The following CDH18 variants were observed in gnomAD, a reference collection of about 807,000 sequenced individuals.
CDH18 encodes cadherin 18.
In CDH18, 31 loss-of-function variants were observed where a neutral mutation model predicts 67.9. The observed-to-expected ratio is 0.46, with a 90% CI of 0.34 to 0.62. The LOEUF is 0.62. Ranked by LOEUF, CDH18 falls within the 20% of genes least tolerant of loss-of-function variation. The pLI is 0.01. For synonymous variants in CDH18, 362 were observed against 347.2 expected, an observed-to-expected ratio of 1.04 and a Z score of -0.48; for missense variants, 890 against 975.5, an observed-to-expected ratio of 0.91 and a Z score of 1.17.
intron 2 of CDH18, among the ~76,000 whole-genome samples, chr5:20,105,180 T>TTTCA (rs1216418462): frequency 6.6e-6 from 1 of 152,012 alleles, no homozygotes; most frequent in African/African-American, 2.4e-5. Flanking sequence ...AGAGACCGGG[T>TTTCA]TTCACCATGT....
intron 2 of CDH18, among the ~76,000 whole-genome samples, chr5:20,214,817 G>C (rs1363231306): frequency 6.6e-6 from 1 of 152,000 alleles, no homozygotes; most frequent in Non-Finnish European, 1.5e-5. Flanking sequence ...AAATGCAACT[G>C]CAACAAAAGC....
intron 1 of CDH18, among the ~76,000 whole-genome samples, chr5:19,981,917 T>C (rs745827818): frequency 1.7e-4 from 26 of 152,170 alleles, no homozygotes; most frequent in Non-Finnish European, 3.4e-4. Flanking sequence ...CCCTTTTTCA[T>C]TTTTTCTCTT....
At chr5:19,640,372 G>A (rs939324549) in intron 5 of CDH18, among the ~76,000 whole-genome samples, 1 of 152,076 alleles carries the variant, frequency 6.6e-6, no homozygotes, top group Non-Finnish European at 1.5e-5. Context: ...GTATACGATT[G>A]AAATTAAGTT....
intron 2 of CDH18, among the ~76,000 whole-genome samples, chr5:20,219,369 G>A (rs1741035671): frequency 6.6e-6 from 1 of 151,720 alleles, no homozygotes; most frequent in South Asian, 2.1e-4. Flanking sequence ...GGGACACAAT[G>A]TCAACACTGC....
chr5:19,538,584 T>G (rs1561296479), intron 9 of CDH18, among the ~76,000 whole-genome samples: 1 of 152,152 alleles, frequency 6.6e-6, no homozygotes, highest in Non-Finnish European at 1.5e-5. Context: ...AAAATAAACG[T>G]TAGTGAGCTA....
In CDH18 at chr5:19,763,009, A is replaced by G. The variant is rs139891139; in HGVS notation, c.229-15773T>C. ...AAACTATTGCAAGAACAGAAAACCA[A>G]ACACCACATGTTCTCACTCATAGGT... On this transcript the variant is annotated intron_variant, in intron 3 of 12. Coordinates refer to ENST00000382275, the MANE Select transcript of CDH18 (RefSeq NM_004934.5). Among the ~76,000 whole-genome samples, 51 of 152,282 alleles carry G rather than the reference A, an allele frequency of 3.3e-4. No homozygotes were observed. In the East Asian group the frequency reaches 9.5e-3, roughly 28 times the overall value.
chr5:19,995,474 G>A (rs955812167), intron 2 of CDH18, among the ~76,000 whole-genome samples: 1 of 151,968 alleles, frequency 6.6e-6, no homozygotes, highest in African/African-American at 2.4e-5. Context: ...AAGACATAGA[G>A]TCAAGCCATA....
At chr5:20,196,187 C>G (rs1738960255) in intron 2 of CDH18, among the ~76,000 whole-genome samples, 2 of 152,094 alleles carry the variant, frequency 1.3e-5, no homozygotes, top group Non-Finnish European at 2.9e-5. Context: ...CTTTCTGACA[C>G]TCCACCTAAC....
At chr5:19,633,194 C>T (rs747941163) in intron 5 of CDH18, among the ~76,000 whole-genome samples, 60 of 152,248 alleles carry the variant, frequency 3.9e-4, no homozygotes, top group Middle Eastern at 3.4e-3. Context: ...TGCTATGGAA[C>T]GGAATTTAAT....
intron 2 of CDH18, among the ~76,000 whole-genome samples, chr5:20,051,039 T>A (rs1741375285): frequency 6.6e-6 from 1 of 151,898 alleles, no homozygotes; most frequent in South Asian, 2.1e-4. Context: ...ATCACACTTG[T>A]TTGTTGTTCA....
intron 10 of CDH18, among the ~76,000 whole-genome samples, chr5:19,504,568 A>G (rs1743784877): frequency 6.6e-6 from 1 of 152,118 alleles, no homozygotes; most frequent in Non-Finnish European, 1.5e-5. Flanking sequence ...TTAGCTAGAC[A>G]TTAGTTACTT....
intron 2 of CDH18, among the ~76,000 whole-genome samples, chr5:19,928,634 A>G (rs1579642321): frequency 6.6e-6 from 1 of 152,310 alleles, no homozygotes; most frequent in Middle Eastern, 3.4e-3. Context: ...GTTAAAAGAA[A>G]GAAATGAACA....
At chr5:19,644,393 G>A (rs1467599711) in intron 5 of CDH18, among the ~76,000 whole-genome samples, 1 of 152,086 alleles carries the variant, frequency 6.6e-6, no homozygotes, top group African/African-American at 2.4e-5. Flanking sequence ...AAAAAAATGA[G>A]TAAGGGATTA....
At chr5:19,950,968 A>T (rs1457781013) in intron 2 of CDH18, among the ~76,000 whole-genome samples, 1 of 152,182 alleles carries the variant, frequency 6.6e-6, no homozygotes, top group African/African-American at 2.4e-5. Context: ...AGATTAGGTT[A>T]TTCATTGCTT....
intron 1 of CDH18, among the ~76,000 whole-genome samples, chr5:20,476,744 T>G (rs1413579084): frequency 1.3e-5 from 2 of 152,172 alleles, no homozygotes. Flanking sequence ...AAAGCTTCTA[T>G]TTTTGCTTGA....
At chr5:19,848,866 T>C (rs531006446) in intron 2 of CDH18, among the ~76,000 whole-genome samples, 7 of 149,804 alleles carry the variant, frequency 4.7e-5, no homozygotes, top group African/African-American at 7.3e-5. Context: ...GCATTTTATA[T>C]AGGCTATATT....
At chr5:20,202,981 A>G (rs982787427) in intron 2 of CDH18, among the ~76,000 whole-genome samples, 5 of 152,168 alleles carry the variant, frequency 3.3e-5, no homozygotes, top group Non-Finnish European at 7.3e-5. Flanking sequence ...GAACTCAAAT[A>G]TGAGGATGAG....
intron 2 of CDH18, among the ~76,000 whole-genome samples, chr5:20,061,559 G>A (rs954030218): frequency 6.6e-6 from 1 of 152,116 alleles, no homozygotes; most frequent in Non-Finnish European, 1.5e-5. Context: ...AAATATTTGA[G>A]TAAATGTTTG....
intron 1 of CDH18, among the ~76,000 whole-genome samples, chr5:20,484,557 A>G (rs1181457662): frequency 2.6e-5 from 4 of 152,250 alleles, no homozygotes; most frequent in South Asian, 2.1e-4. Context: ...GAATGGATAA[A>G]GAAAATATGC....
Sources: gnomAD v4.1 joint callset for allele counts (sites outside exome capture counted in the v4.1 genomes callset) on GRCh38, gnomAD v4.1.1 for gene constraint, MANE v1.5 for transcripts, NCBI Gene and HGNC (gene_info 2026-07-23, HGNC 2026-07-21) for gene names.